Variants in IL1RAP observed in about 807,000 individuals in gnomAD.
IL1RAP encodes interleukin-1 receptor accessory protein.
A neutral mutation model predicts 60.7 loss-of-function variants in IL1RAP; 35 were observed. That is an observed-to-expected ratio of 0.58 (90% confidence interval 0.44 to 0.76). The LOEUF is 0.76. IL1RAP is among the 30% of genes least tolerant of loss of function. The probability of loss-of-function intolerance (pLI) is 0.00; values close to 1 mark genes in which losing one functional copy is unlikely to be tolerated. For synonymous variants in IL1RAP, 268 were observed against 250.9 expected, an observed-to-expected ratio of 1.07 and a Z score of -0.64; for missense variants, 572 against 693.9, an observed-to-expected ratio of 0.82 and a Z score of 1.97.
intron 1 of IL1RAP, among the ~76,000 whole-genome samples, chr3:190,532,718 C>T (rs16865563): frequency 0.013 from 1,988 of 152,290 alleles, 36 homozygotes; most frequent in African/African-American, 0.044. Flanking sequence ...GCGTGCCGTG[C>T]ATCCCATGGC....
chr3:190,642,726 T>C (rs1733744541), intron 9 of IL1RAP, among the ~76,000 whole-genome samples: 1 of 152,198 alleles, frequency 6.6e-6, no homozygotes, highest in Admixed American at 6.5e-5. Flanking sequence ...TTTATTTCTT[T>C]ACATATTTAC....
rs142098960 is a variant in IL1RAP at position 190,627,963 on chromosome 3, CTCTT to C, written c.902+519_902+522del. 3.3e-3 allele frequency among the ~76,000 whole-genome samples: 503 copies of C among 152,080 alleles called. 4 individuals carry two copies. Among genetic ancestry groups the C allele is most frequent in the African/African-American group, 0.011 (470 of 41,468 alleles). ...GTGAGCATGCATTTTCTCTCTCCTC[CTCTT>C]TCTTATCTCATATAACCTATAGTTA... On this transcript the variant is annotated intron_variant, in intron 8 of 11. Coordinates refer to ENST00000447382, the MANE Select transcript of IL1RAP (RefSeq NM_002182.4).
chr3:190,654,879 A>G (rs2108874704), downstream of IL1RAP, among the ~76,000 whole-genome samples: 1 of 152,330 alleles, frequency 6.6e-6, no homozygotes, highest in Non-Finnish European at 1.5e-5. Flanking sequence ...GTTAAGCATT[A>G]CATTTATTTG....
chr3:190,607,060 C>T (rs546969134), intron 4 of IL1RAP, among the ~76,000 whole-genome samples: 2 of 152,106 alleles, frequency 1.3e-5, no homozygotes, highest in Non-Finnish European at 2.9e-5. Flanking sequence ...GGGGTCATGC[C>T]TACCACTCCC....
At chr3:190,645,014 A>G (rs1184757805) in intron 10 of IL1RAP, among the ~76,000 whole-genome samples, 1 of 152,170 alleles carries the variant, frequency 6.6e-6, no homozygotes, top group African/African-American at 2.4e-5. Flanking sequence ...CCTAGCCCCT[A>G]CTGACTCAGA....
chr3:190,605,278 T>C (rs1326280002), intron 4 of IL1RAP, among the ~76,000 whole-genome samples: 2 of 145,128 alleles, frequency 1.4e-5, no homozygotes, highest in Non-Finnish European at 3.0e-5. Context: ...GTAGATTTTA[T>C]ATTTTACTCT....
intron 7 of IL1RAP, chr3:190,624,735 T>C: frequency 5.0e-6 from 1 of 201,034 alleles, no homozygotes; most frequent in East Asian, 1.2e-4. Flanking sequence ...AGTGCCTGTT[T>C]TGTGGTCAGT....
At chr3:190,596,486 A>G (rs1291354261) in intron 3 of IL1RAP, among the ~76,000 whole-genome samples, 2 of 152,146 alleles carry the variant, frequency 1.3e-5, no homozygotes, top group Admixed American at 6.5e-5. Flanking sequence ...TAAAACGTAT[A>G]CCCTGCTATA....
At chr3:190,523,986 A>C (rs954944258) in intron 1 of IL1RAP, among the ~76,000 whole-genome samples, 1 of 152,282 alleles carries the variant, frequency 6.6e-6, no homozygotes, top group African/African-American at 2.4e-5. Flanking sequence ...TCCCAGCAAC[A>C]GTGTATAGTG....
At chr3:190,616,004 G>A (rs2108781334) in intron 5 of IL1RAP, among the ~76,000 whole-genome samples, 1 of 152,252 alleles carries the variant, frequency 6.6e-6, no homozygotes, top group African/African-American at 2.4e-5. Context: ...TAGTGTGAGA[G>A]AGTATGTACC....
chr3:190,564,244 G>A (rs769659382), intron 2 of IL1RAP, 45 bp from the exon 3 acceptor site: 24 of 1,227,690 alleles, frequency 2.0e-5, no homozygotes, highest in Non-Finnish European at 2.8e-5. Context: ...TTAAGCCCTT[G>A]AAAGTAGTAA....
rs1167445179 is a variant in IL1RAP at position 190,634,707 on chromosome 3, G to GTTTTTTT, written c.1051+5214_1051+5220dup. On this transcript the variant is annotated intron_variant, in intron 9 of 11. Transcript: ENST00000447382. ...TCATATAACTATCTGGGCCTGTTGT[G>GTTTTTTT]TTTTTTTTTTTGTTGTTGTTTTTTT... 1.2e-3 allele frequency among the ~76,000 whole-genome samples: 159 copies of GTTTTTTT among 134,660 alleles called. 7 individuals carry two copies. The highest frequency in any genetic ancestry group is 4.2e-3 in the Middle Eastern group (1 of 240). 88.3% of individuals were successfully genotyped at this position (134,660 alleles called of 152,430 possible).
In IL1RAP at chr3:190,620,298, T is replaced by C. The variant is rs1731668873; in HGVS notation, c.561T>C (p.Phe187=). ...AGGGCTGTTATAAAATACAGAATTTTAATAATGTAATACCCGAAGGTATGA... is the reference window on the plus strand; with the variant it reads ...AGGGCTGTTATAAAATACAGAATTTCAATAATGTAATACCCGAAGGTATGA... ...WYMGCYKIQN[F]NNVIPEGMNL... The change falls in exon 6 of 12, where the codon TTT becomes TTC. Residue 187 remains phenylalanine (F), a synonymous_variant. Transcript: ENST00000447382. 1 of 1,578,122 alleles carries C rather than the reference T, an allele frequency of 6.3e-7. No homozygotes were observed. The highest frequency in any genetic ancestry group is 1.4e-5 in the African/African-American group (1 of 73,200).
At chr3:190,566,376 AC>A (rs1164387179) in intron 3 of IL1RAP, among the ~76,000 whole-genome samples, 1 of 152,070 alleles carries the variant, frequency 6.6e-6, no homozygotes, top group East Asian at 1.9e-4. Context: ...TGACTGTGTT[AC>A]CATTGCTGAA....
intron 2 of IL1RAP, among the ~76,000 whole-genome samples, chr3:190,561,699 T>C (rs889230037): frequency 6.6e-6 from 1 of 152,220 alleles, no homozygotes; most frequent in African/African-American, 2.4e-5. Context: ...TACGGTTCCC[T>C]GAATGCAGTG....
chr3:190,645,822 G>T lies in IL1RAP; in HGVS notation c.1325G>T (p.Arg442Leu). 1 of 1,613,334 alleles carries T rather than the reference G, an allele frequency of 6.2e-7. No individual in the cohort carries two copies. The highest frequency in any genetic ancestry group is 8.5e-7 in the Non-Finnish European group (1 of 1,179,542). Reference sequence around the variant, plus strand: ...GGATACAAGCTGTGCATCTTTGACCGAGACAGTCTGCCTGGGGGAAGTAGG... The same window carrying T: ...GGATACAAGCTGTGCATCTTTGACCTAGACAGTCTGCCTGGGGGAAGTAGG... ...EFGYKLCIFDRDSLPGGIVTD... is the reference protein window; with the variant it reads ...EFGYKLCIFDLDSLPGGIVTD... Residue 442 changes from arginine (R) to leucine (L), a missense_variant, in exon 11 of 12, where the codon CGA becomes CTA. Coordinates refer to ENST00000447382, the MANE Select transcript of IL1RAP (RefSeq NM_002182.4).
intron 4 of IL1RAP, among the ~76,000 whole-genome samples, chr3:190,608,661 T>A (rs969915150): frequency 2.0e-5 from 3 of 151,976 alleles, no homozygotes; most frequent in African/African-American, 7.3e-5. Flanking sequence ...ATTAAAATTT[T>A]ATGAAACCAC....
At chr3:190,644,135 A>G in intron 9 of IL1RAP, 113 bp from the exon 10 acceptor site, 3 of 1,463,598 alleles carry the variant, frequency 2.0e-6, no homozygotes, top group Admixed American at 2.7e-5. Context: ...GATTGTTCAT[A>G]CATAGGCAGG....
chr3:190,555,313 G>A (rs987290037), intron 1 of IL1RAP, among the ~76,000 whole-genome samples: 2 of 151,918 alleles, frequency 1.3e-5, no homozygotes, highest in East Asian at 3.9e-4. Context: ...TCTCTACTCC[G>A]CTTCCTTCTC....
Sources: allele counts gnomAD v4.1 joint callset (sites outside exome capture counted in the v4.1 genomes callset), GRCh38; gene constraint gnomAD v4.1.1; transcripts MANE v1.5; gene names NCBI Gene and HGNC (gene_info 2026-07-23, HGNC 2026-07-21).